Variants in SPATA21 observed in about 807,000 individuals in gnomAD.
SPATA21 encodes the protein spermatogenesis-associated protein 21.
SPATA21 carries 47 observed loss-of-function variants against 54.8 expected under a neutral mutation model. That is an observed-to-expected ratio of 0.86 (90% CI 0.68 to 1.09). The LOEUF (loss-of-function observed/expected upper bound fraction) is 1.09. Among genes scored for constraint, SPATA21 ranks in the 50% least tolerant of loss-of-function variants. The pLI is 0.00. For synonymous variants in SPATA21, 245 were observed against 235.3 expected, an observed-to-expected ratio of 1.04 and a Z score of -0.38; for missense variants, 599 against 596.4, an observed-to-expected ratio of 1.00 and a Z score of -0.05.
rs1421671580 is a variant in SPATA21 at position 16,404,057 on chromosome 1, G to A, written c.812-18C>T. Reference sequence around the variant, plus strand: ...ACCATCTCCTGTGGAGGCCAGAGGAGTAGGGTGGGCAGGGACCTTCGGAGC... The same window carrying A: ...ACCATCTCCTGTGGAGGCCAGAGGAATAGGGTGGGCAGGGACCTTCGGAGC... On this transcript the variant is annotated intron_variant, in intron 8 of 12. Transcript: ENST00000335496. 1.3e-6 allele frequency: 2 copies of A among 1,551,948 alleles called. No homozygotes were observed. Among genetic ancestry groups the A allele is most frequent in the Middle Eastern group, 1.7e-4 (1 of 5,792 alleles).
chr1:16,433,974 G>A (rs992741463), intron 1 of SPATA21, among the ~76,000 whole-genome samples: 1 of 151,948 alleles, frequency 6.6e-6, no homozygotes, highest in African/African-American at 2.4e-5. Flanking sequence ...ACCCCAAAAA[G>A]AAACCCCACA....
At chr1:16,405,863 A>C (rs2085625072) in intron 7 of SPATA21, among the ~76,000 whole-genome samples, 2 of 152,114 alleles carry the variant, frequency 1.3e-5, no homozygotes, top group African/African-American at 2.4e-5. Context: ...AGTCAGAAAA[A>C]CTGTCCAGTC....
chr1:16,403,639 C>G (rs1172648192), intron 10 of SPATA21, 88 bp downstream of exon 10: 3 of 1,169,342 alleles, frequency 2.6e-6, no homozygotes, highest in Middle Eastern at 1.9e-4. Context: ...GACTAAAAGT[C>G]GTAACTACCA....
At chr1:16,426,499 T>C (rs2086321371) in intron 3 of SPATA21, among the ~76,000 whole-genome samples, 1 of 148,542 alleles carries the variant, frequency 6.7e-6, no homozygotes, top group African/African-American at 2.5e-5. Context: ...GCTTAAGTGA[T>C]CCGCCAACCT....
Position 16,421,937 on chromosome 1 carries a change from C to G in SPATA21, c.69G>C (p.Thr23=). 6.2e-7 allele frequency: 1 copy of G among 1,614,114 alleles called. No individual in the cohort carries two copies. The highest frequency in any genetic ancestry group is 8.5e-7 in the Non-Finnish European group (1 of 1,180,002). Residue 23 remains threonine, a synonymous_variant, in exon 4 of 13, where the codon ACG becomes ACC. Transcript: ENST00000335496. This position sits in a 1 kb window ranked among gnomAD's most constrained non-coding sequence, Gnocchi z 5.2. Reference sequence around the variant, plus strand: ...CTCCTTTTGCTTTTTTAGGTCCAGGCGTGGATGGCAGGAAGGGGTTGACTG... The same window carrying G: ...CTCCTTTTGCTTTTTTAGGTCCAGGGGTGGATGGCAGGAAGGGGTTGACTG... ...EKTVNPFLPS[T]PGPKKAKGGG...
Position 16,410,007 on chromosome 1 carries a change from G to A in SPATA21, c.181C>T (p.Arg61Cys), listed in dbSNP as rs1433029226. 1.3e-5 allele frequency: 20 copies of A among 1,582,484 alleles called. No individual in the cohort carries two copies. The highest frequency in any genetic ancestry group is 1.7e-4 in the Middle Eastern group (1 of 5,864). Residue 61 changes from arginine to cysteine, a missense_variant, in exon 6 of 13, where the codon CGT becomes TGT. Arg to Cys is a radical substitution (Grantham distance 180). Coordinates refer to ENST00000335496, the MANE Select transcript of SPATA21 (RefSeq NM_198546.1). The part of the protein sequence containing the change: ...RDIGERREPD[R>C]AQQQPQKPAV... ...GGCTTCTGAGGCTGCTGCTGCGCAC[G>A]GTCTGGCTCCCGCCTCTCTCCAATG...
At chr1:16,424,540 C>A (rs1417761946) in intron 3 of SPATA21, among the ~76,000 whole-genome samples, 2 of 151,776 alleles carry the variant, frequency 1.3e-5, no homozygotes, top group Non-Finnish European at 2.9e-5. Flanking sequence ...ATCTCAGTAT[C>A]TGGAGTAGCT....
chr1:16,399,898 C>T (rs182241559), intron 11 of SPATA21, among the ~76,000 whole-genome samples: 2 of 152,250 alleles, frequency 1.3e-5, no homozygotes, highest in African/African-American at 4.8e-5. Context: ...TAAATGGTAC[C>T]TGGGGGAAGG....
At chr1:16,435,217 G>A (rs2086555895) in intron 1 of SPATA21, among the ~76,000 whole-genome samples, 1 of 152,042 alleles carries the variant, frequency 6.6e-6, no homozygotes, top group African/African-American at 2.4e-5. Context: ...ATCTCATTCT[G>A]ATTTTGATTT....
chr1:16,426,580 T>TATATATATATATATA (rs1553166390), intron 3 of SPATA21, among the ~76,000 whole-genome samples: 11 of 77,986 alleles, frequency 1.4e-4, no homozygotes, highest in African/African-American at 4.3e-4. Flanking sequence ...TATATATATA[T>TATATATATATATATA]TTTTTTTTTT....
intron 3 of SPATA21, among the ~76,000 whole-genome samples, chr1:16,423,790 C>T (rs943259713): frequency 1.1e-4 from 17 of 151,842 alleles, no homozygotes; most frequent in African/African-American, 3.4e-4. Context: ...GTGATTCACC[C>T]GCCTCAGCCT....
At chr1:16,417,307 A>T (rs1399111771) in intron 5 of SPATA21, among the ~76,000 whole-genome samples, 1 of 151,920 alleles carries the variant, frequency 6.6e-6, no homozygotes, top group African/African-American at 2.4e-5. Context: ...TGCCTAGGCT[A>T]GAGTGCAATG....
Position 16,399,410 on chromosome 1 carries a change from C to T in SPATA21, c.1286G>A (p.Cys429Tyr), listed in dbSNP as rs1325605990. ...GTCAGGATCCAGGCCAGGGGGTGTG[C>T]ACTGGTCTAGTGCATAGTGGTTGCT... ...QPSNHYALDQ[C>Y]TPPGLDPDIR... The change falls in exon 12 of 13, where the codon TGC becomes TAC. Residue 429 changes from cysteine (C) to tyrosine (Y), a missense_variant. Transcript: ENST00000335496. 6.2e-7 allele frequency: 1 copy of T among 1,613,636 alleles called. No homozygotes were observed. Among genetic ancestry groups the T allele is most frequent in the African/African-American group, 1.3e-5 (1 of 74,624 alleles).
intron 12 of SPATA21, among the ~76,000 whole-genome samples, 195 bp downstream of exon 12, chr1:16,399,149 G>A (rs1372209786): frequency 6.6e-6 from 1 of 152,246 alleles, no homozygotes; most frequent in Non-Finnish European, 1.5e-5. Flanking sequence ...TCTGGCTTCA[G>A]TGGAACAATC....
In SPATA21 at chr1:16,398,750, C is replaced by A; in HGVS notation, c.*15G>T. The A allele has an allele frequency of 6.2e-7, 1 of 1,613,804 alleles. No homozygotes were observed. The highest frequency in any genetic ancestry group is 1.1e-5 in the South Asian group (1 of 91,062). ...CAGGCCTTGAGCAGCTGCCTAGAGT[C>A]AGGCCTCCAGAGGGTCAGTGGGTTC... On this transcript the variant is annotated 3_prime_UTR_variant, in exon 13 of 13. Coordinates refer to ENST00000335496, the MANE Select transcript of SPATA21 (RefSeq NM_198546.1).
At chr1:16,403,870 G>A (rs377017357) in intron 9 of SPATA21, 26 bp from the exon 10 acceptor site, 50 of 1,608,922 alleles carry the variant, frequency 3.1e-5, no homozygotes, top group South Asian at 1.3e-4. Flanking sequence ...AGTGGCTGCC[G>A]TTACCACTGG....
At chr1:16,425,235 T>C in intron 3 of SPATA21, 1 of 579,420 alleles carries the variant, frequency 1.7e-6, no homozygotes, top group Non-Finnish European at 3.3e-6. Context: ...TAAATGCTTG[T>C]GATGTAGGCT....
intron 2 of SPATA21, 144 bp downstream of exon 2, chr1:16,432,646 A>T (rs2086488021): frequency 6.6e-6 from 1 of 152,208 alleles, no homozygotes; most frequent in Non-Finnish European, 1.5e-5. Context: ...CAACCATCTC[A>T]GCTCTCTCTC....
At chr1:16,424,315 A>AG (rs1251044698) in intron 3 of SPATA21, among the ~76,000 whole-genome samples, 2 of 149,630 alleles carry the variant, frequency 1.3e-5, no homozygotes, top group Non-Finnish European at 3.0e-5. Context: ...TGTCTCAAAA[A>AG]AAAAAAAAAT....
Sources: allele counts gnomAD v4.1 joint callset (sites outside exome capture counted in the v4.1 genomes callset), GRCh38; gene constraint gnomAD v4.1.1; non-coding constraint Gnocchi (gnomAD v3.1); transcripts MANE v1.5; gene names NCBI Gene and HGNC (gene_info 2026-07-23, HGNC 2026-07-21).